Variants in FSTL5 observed in about 807,000 individuals in gnomAD.
The protein encoded by FSTL5 is follistatin-related protein 5.
FSTL5 carries 62 observed loss-of-function variants against 89.1 expected under a neutral mutation model. The observed-to-expected ratio is 0.70, with a 90% CI of 0.57 to 0.86. FSTL5 has a LOEUF of 0.86. Ranked by LOEUF, FSTL5 falls within the 40% of genes least tolerant of loss-of-function variation. The probability of loss-of-function intolerance (pLI) is 0.00; values close to 1 mark genes in which losing one functional copy is unlikely to be tolerated. For missense variants in FSTL5, 1,057 were observed against 1,001.6 expected, an observed-to-expected ratio of 1.06 and a Z score of -0.75; for synonymous variants, 383 against 346.2, an observed-to-expected ratio of 1.11 and a Z score of -1.18.
At chr4:162,048,258 C>T (rs991143807) in intron 2 of FSTL5, among the ~76,000 whole-genome samples, 2 of 151,876 alleles carry the variant, frequency 1.3e-5, no homozygotes, top group African/African-American at 4.8e-5. Context: ...ACCTGGGAGG[C>T]GGAGGTTGCA....
intron 2 of FSTL5, among the ~76,000 whole-genome samples, chr4:162,060,833 T>C (rs1449647148): frequency 1.3e-5 from 2 of 152,052 alleles, no homozygotes; most frequent in Non-Finnish European, 2.9e-5. Flanking sequence ...TTTGACATCA[T>C]GAAAAAAACC....
At chr4:161,845,020 G>C (rs1189882645) in intron 4 of FSTL5, among the ~76,000 whole-genome samples, 2 of 152,100 alleles carry the variant, frequency 1.3e-5, no homozygotes, top group Non-Finnish European at 2.9e-5. Context: ...TACTTGGGAA[G>C]TTATTGCTTG....
chr4:161,573,729 A>G (rs1217019766), intron 8 of FSTL5, among the ~76,000 whole-genome samples: 1 of 65,904 alleles, frequency 1.5e-5, no homozygotes, highest in African/African-American at 5.9e-5. Flanking sequence ...GAGAAACTCC[A>G]GCTCAAAAAA....
At chr4:161,962,131 A>T (rs966134940) in intron 3 of FSTL5, among the ~76,000 whole-genome samples, 2 of 151,976 alleles carry the variant, frequency 1.3e-5, no homozygotes, top group African/African-American at 4.8e-5. Flanking sequence ...ATATGAGTAC[A>T]ATCTAATAAA....
chr4:161,562,377 A>G (rs1732636815), intron 8 of FSTL5, among the ~76,000 whole-genome samples: 1 of 151,962 alleles, frequency 6.6e-6, no homozygotes, highest in African/African-American at 2.4e-5. Context: ...TGTGATTTTC[A>G]TAGAAACTGC....
chr4:161,998,896 G>C (rs1736381792), intron 3 of FSTL5, among the ~76,000 whole-genome samples: 1 of 147,612 alleles, frequency 6.8e-6, no homozygotes, highest in African/African-American at 2.5e-5. Flanking sequence ...ACACACACGA[G>C]TCAGGTTGGA....
At chr4:162,109,178 G>A (rs565007151) in intron 2 of FSTL5, among the ~76,000 whole-genome samples, 1 of 152,102 alleles carries the variant, frequency 6.6e-6, no homozygotes, top group East Asian at 1.9e-4. Context: ...TCCTAATCTT[G>A]ACTGACACAA....
At chr4:161,889,662 C>T (rs374503856) in intron 4 of FSTL5, among the ~76,000 whole-genome samples, 94 of 152,026 alleles carry the variant, frequency 6.2e-4, no homozygotes, top group Middle Eastern at 6.8e-3. Flanking sequence ...ATAAATAACA[C>T]GAATTATTAT....
rs150283220 is a variant in FSTL5 at position 161,616,417 on chromosome 4, C to T, written c.895-28842G>A. Among the ~76,000 whole-genome samples, 3 of 152,254 alleles carry T rather than the reference C, an allele frequency of 2.0e-5. No individual in the cohort carries two copies. In the East Asian group the frequency reaches 5.8e-4, roughly 29 times the overall value. ...CTACATCTTTCTCTCATTTTGGATG[C>T]TTCCTGCCTTTGAACACCAGACTCC... is the stretch of plus-strand genomic sequence containing the variant. On this transcript the variant is annotated intron_variant, in intron 7 of 15. Transcript: ENST00000306100.
rs570640364 is a variant in FSTL5, at chr4:162,015,436, G to T, written c.160+18189C>A. Among the ~76,000 whole-genome samples the T allele has an allele frequency of 2.0e-5, 3 of 152,210 alleles. No homozygotes were observed. In the East Asian group the frequency reaches 5.8e-4, roughly 29 times the overall value. ...TCCATCATTTTCAAAATAGTTTCTG[G>T]AATATGCGCTTCTTCTCTGATATTC... is the stretch of plus-strand genomic sequence containing the variant. On this transcript the variant is annotated intron_variant, in intron 3 of 15. Transcript: ENST00000306100.
intron 3 of FSTL5, among the ~76,000 whole-genome samples, chr4:161,973,771 C>A: frequency 6.6e-6 from 1 of 152,218 alleles, no homozygotes; most frequent in Middle Eastern, 3.4e-3. Flanking sequence ...CCAGCTTCTA[C>A]TATTGAGCAA....
intron 3 of FSTL5, among the ~76,000 whole-genome samples, chr4:161,986,398 A>G (rs1436908563): frequency 3.3e-5 from 5 of 152,132 alleles, no homozygotes. Context: ...AAAAATATAA[A>G]ATAAATAGTT....
chr4:161,665,378 C>T (rs549756261), intron 6 of FSTL5, among the ~76,000 whole-genome samples: 7 of 152,108 alleles, frequency 4.6e-5, no homozygotes, highest in Admixed American at 4.6e-4. Context: ...AGACTACAGG[C>T]GCCCGCTACC....
chr4:161,557,703 C>G (rs1454958102), intron 8 of FSTL5, among the ~76,000 whole-genome samples: 1 of 150,062 alleles, frequency 6.7e-6, no homozygotes, highest in Non-Finnish European at 1.5e-5. Flanking sequence ...TAAAATTGAA[C>G]AGATTATCAT....
intron 4 of FSTL5, among the ~76,000 whole-genome samples, chr4:161,796,938 C>T (rs1025370059): frequency 9.9e-5 from 15 of 151,474 alleles, no homozygotes; most frequent in African/African-American, 3.6e-4. Context: ...TTTATTTCTT[C>T]TCCATCCATA....
intron 15 of FSTL5, among the ~76,000 whole-genome samples, chr4:161,452,436 A>G (rs576422238): frequency 1.3e-5 from 2 of 152,100 alleles, no homozygotes; most frequent in South Asian, 2.1e-4. Context: ...AGATCGTGCC[A>G]ATGTACTCCA....
intron 8 of FSTL5, among the ~76,000 whole-genome samples, chr4:161,579,295 G>T (rs1303333835): frequency 6.6e-6 from 1 of 151,728 alleles, no homozygotes; most frequent in Non-Finnish European, 1.5e-5. Flanking sequence ...TCGTATGTGT[G>T]GCTTATAGCA....
chr4:161,809,162 T>C (rs1185589580), intron 4 of FSTL5, among the ~76,000 whole-genome samples: 5 of 152,116 alleles, frequency 3.3e-5, no homozygotes, highest in African/African-American at 1.2e-4. Flanking sequence ...GAGCTTGCAG[T>C]GAGCCATGAT....
intron 6 of FSTL5, among the ~76,000 whole-genome samples, chr4:161,689,249 T>C (rs1159607816): frequency 6.6e-6 from 1 of 152,160 alleles, no homozygotes; most frequent in Non-Finnish European, 1.5e-5. Context: ...ACAAACTCTA[T>C]AAGAGAAAGC....
Sources: allele counts gnomAD v4.1 joint callset (sites outside exome capture counted in the v4.1 genomes callset), GRCh38; gene constraint gnomAD v4.1.1; transcripts MANE v1.5; gene names NCBI Gene and HGNC (gene_info 2026-07-23, HGNC 2026-07-21).